Variants in ARHGEF10 observed in about 807,000 individuals in gnomAD.
The protein encoded by ARHGEF10 is Rho guanine nucleotide exchange factor 10, also known as Rho guanine nucleotide exchange factor (GEF) 10.
A neutral mutation model predicts 147.4 loss-of-function variants in ARHGEF10; 140 were observed. The ratio of observed to expected loss-of-function variants is 0.95; its 90% confidence interval spans 0.83 to 1.09. The LOEUF is 1.09. Ranked by LOEUF, ARHGEF10 falls within the 50% of genes least tolerant of loss-of-function variation. The pLI, the probability that ARHGEF10 is intolerant of heterozygous loss-of-function variation, is 0.00. For synonymous variants in ARHGEF10, 902 were observed against 695.8 expected (o/e 1.30, Z -4.67); for missense variants, 2,222 against 1,752.7 (o/e 1.27, Z -4.78).
intron 16 of ARHGEF10, chr8:1,903,665 T>G (rs1585474285): frequency 1.6e-6 from 1 of 629,448 alleles, no homozygotes; most frequent in African/African-American, 1.8e-5. Context: ...AGCATTTTCT[T>G]AGGAAAGAGA....
Position 1,893,599 on chromosome 8 carries a change from G to T in ARHGEF10, c.1213G>T (p.Val405Phe), listed in dbSNP as rs776976577. The stretch of plus-strand genomic sequence containing the variant: ...AAGAAGATATATACTGGGTTCAGTT[G>T]TCGACAGTGAAAAGAACTACGTAGA... Reference protein sequence around the residue: ...VVRRYILGSVVDSEKNYVDAL... With the variant: ...VVRRYILGSVFDSEKNYVDAL... The change falls in exon 12 of 29, where the codon GTC (valine) becomes TTC (phenylalanine). Residue 405 changes from valine to phenylalanine, a missense_variant. Val to Phe is a conservative substitution (Grantham distance 50). Transcript: ENST00000349830. 2 of 1,613,770 alleles carry T rather than the reference G, an allele frequency of 1.2e-6. No individual in the cohort carries two copies. The highest frequency in any genetic ancestry group is 1.7e-6 in the Non-Finnish European group (2 of 1,179,810).
chr8:1,957,248 T>C lies in ARHGEF10; in HGVS notation c.4020T>C (p.Pro1340=). 6.2e-7 allele frequency: 1 copy of C among 1,610,884 alleles called. No homozygotes were observed. Among genetic ancestry groups the C allele is most frequent in the Non-Finnish European group, 8.5e-7 (1 of 1,179,754 alleles). Residue 1340 remains proline (P), a synonymous_variant, in exon 29 of 29, where the codon CCT becomes CCC. Transcript: ENST00000349830. ...LAPTVMVWQI[P]LLNI ...CGACCGTCATGGTCTGGCAGATCCCTCTGCTGAATATATAAGCAGGACGGC... is the reference window on the plus strand; with the variant it reads ...CGACCGTCATGGTCTGGCAGATCCCCCTGCTGAATATATAAGCAGGACGGC...
intron 11 of ARHGEF10, among the ~76,000 whole-genome samples, chr8:1,889,461 G>A (rs1322642201): frequency 4.4e-4 from 29 of 66,470 alleles, no homozygotes; most frequent in African/African-American, 2.6e-3. Flanking sequence ...TGGGGTGAGG[G>A]GTCTGTGAGG....
chr8:1,876,298 T>A, intron 7 of ARHGEF10: 1 of 522,834 alleles, frequency 1.9e-6, no homozygotes, highest in Non-Finnish European at 3.4e-6. Flanking sequence ...CGGATGCCCA[T>A]AGCCAGGTGG....
intron 1 of ARHGEF10, among the ~76,000 whole-genome samples, chr8:1,842,426 C>CG (rs138298112): frequency 0.024 from 3,677 of 152,306 alleles, 147 homozygotes; most frequent in African/African-American, 0.083. Flanking sequence ...GCCTGCCATC[C>CG]CCTCGCGTTC....
intron 1 of ARHGEF10, among the ~76,000 whole-genome samples, chr8:1,829,088 G>A (rs1563143462): frequency 6.6e-6 from 1 of 152,248 alleles, no homozygotes; most frequent in African/African-American, 2.4e-5. Context: ...CACACCTGGG[G>A]GGCGGCCAAC....
rs1394933374 is a variant in ARHGEF10 at position 1,888,745 on chromosome 8, C to T, written c.1182+3038C>T. The stretch of plus-strand genomic sequence containing the variant: ...GAATAGGGTGAGGTTTGTGAGGAGA[C>T]ACTGAATAGGGTGAGGTTTGTGAGG... On this transcript the variant is annotated intron_variant, in intron 11 of 28. Coordinates refer to ENST00000349830, the MANE Select transcript of ARHGEF10 (RefSeq NM_014629.4). 1.8e-4 allele frequency among the ~76,000 whole-genome samples: 10 copies of T among 54,432 alleles called. 1 individual carries two copies. The highest frequency in any genetic ancestry group is 8.7e-4 in the African/African-American group (10 of 11,520). 35.7% of individuals were successfully genotyped at this position (54,432 alleles called of 152,430 possible). A position where few individuals can be genotyped will look rare whatever the true frequency, so the allele number is the denominator to read the frequency against.
chr8:1,946,549 C>A (rs1814610287), intron 27 of ARHGEF10, among the ~76,000 whole-genome samples: 1 of 152,192 alleles, frequency 6.6e-6, no homozygotes, highest in African/African-American at 2.4e-5. Flanking sequence ...CCTCCGCTTC[C>A]TATAAGGGTG....
At position 1,860,172 on chromosome 8, in the gene ARHGEF10, C is replaced by G. The variant is rs376008740; in HGVS notation, c.469C>G (p.Leu157Val). ...SSPVIICATS[L>V]DEEETPEVTE... ...CCCGGTCATCATCTGCGCCACGTCC[C>G]TGGACGAAGAAGGTACTGCTACCCT... Residue 157 changes from leucine to valine, a missense_variant, in exon 4 of 29, where the codon CTG becomes GTG. Transcript: ENST00000349830. 6.2e-7 allele frequency: 1 copy of G among 1,612,964 alleles called. No homozygotes were observed. The highest frequency in any genetic ancestry group is 8.5e-7 in the Non-Finnish European group (1 of 1,179,948).
intron 1 of ARHGEF10, among the ~76,000 whole-genome samples, chr8:1,829,843 G>C (rs1166733586): frequency 1.3e-5 from 2 of 152,186 alleles, no homozygotes; most frequent in African/African-American, 4.8e-5. Context: ...GGAGGCTGCT[G>C]GGACGGCGGC....
intron 9 of ARHGEF10, among the ~76,000 whole-genome samples, 154 bp from the exon 10 acceptor site, chr8:1,882,481 A>G (rs1438644902): frequency 6.6e-6 from 1 of 152,146 alleles, no homozygotes; most frequent in Non-Finnish European, 1.5e-5. Flanking sequence ...TTTTCCAACA[A>G]ACAAAACCAA....
chr8:1,838,126 A>G (rs1307880395), intron 1 of ARHGEF10, among the ~76,000 whole-genome samples: 1 of 152,202 alleles, frequency 6.6e-6, no homozygotes, highest in Non-Finnish European at 1.5e-5. Flanking sequence ...TGGAAGGAAC[A>G]GACCTTGGGC....
At chr8:1,843,331 G>C (rs1219575154) in intron 1 of ARHGEF10, 22 bp from the exon 2 acceptor site, 4 of 1,598,848 alleles carry the variant, frequency 2.5e-6, no homozygotes, top group Non-Finnish European at 2.6e-6. Flanking sequence ...ACGGTGACAA[G>C]CAGTGTCTCT....
intron 1 of ARHGEF10, among the ~76,000 whole-genome samples, chr8:1,836,244 G>C (rs1192251871): frequency 2.0e-5 from 3 of 151,956 alleles, no homozygotes; most frequent in African/African-American, 7.3e-5. Context: ...TCATTAAGAT[G>C]CTTAAATTGG....
intron 2 of ARHGEF10, among the ~76,000 whole-genome samples, chr8:1,850,498 G>T (rs1339781991): frequency 6.6e-6 from 1 of 150,810 alleles, no homozygotes; most frequent in East Asian, 2.0e-4. Context: ...AGACGGCATG[G>T]GCCACCCGCG....
At chr8:1,892,812 A>T (rs571376203) in intron 11 of ARHGEF10, among the ~76,000 whole-genome samples, 58 of 152,248 alleles carry the variant, frequency 3.8e-4, no homozygotes, top group Middle Eastern at 3.4e-3. Context: ...TCTGTTTTCC[A>T]TGAATTGGCA....
chr8:1,858,143 AGTCCCCAGGTGG>A (rs71211518), intron 3 of ARHGEF10, 28 bp downstream of exon 3: 6 of 1,522,398 alleles, frequency 3.9e-6, no homozygotes, highest in Non-Finnish European at 4.5e-6. Flanking sequence ...TCCCCAGGTG[AGTCCCCAGGTGG>A]GTCCCCAGGT....
At chr8:1,915,124 C>T (rs1425733334) in intron 18 of ARHGEF10, among the ~76,000 whole-genome samples, 4 of 152,130 alleles carry the variant, frequency 2.6e-5, no homozygotes, top group Non-Finnish European at 5.9e-5. Context: ...GGCCTCCCTT[C>T]GTACAGACAA....
chr8:1,905,606 AGAT>A lies in ARHGEF10; in HGVS notation c.1861_1863del (p.Asp621del). 1.2e-6 allele frequency: 2 copies of A among 1,614,232 alleles called. No individual in the cohort carries two copies. Among genetic ancestry groups the A allele is most frequent in the Non-Finnish European group, 1.7e-6 (2 of 1,180,044 alleles). On this transcript the variant is annotated inframe_deletion, in exon 17 of 29. Coordinates refer to ENST00000349830, the MANE Select transcript of ARHGEF10 (RefSeq NM_014629.4). ...GTGGAAGCCGATACCTCATTCGATCAGATGATATGATAGAAACAGTTTACAACG... is the reference window on the plus strand; with the variant it reads ...GTGGAAGCCGATACCTCATTCGATCAGATATGATAGAAACAGTTTACAACG...
Sources: allele counts gnomAD v4.1 joint callset (sites outside exome capture counted in the v4.1 genomes callset), GRCh38; gene constraint gnomAD v4.1.1; transcripts MANE v1.5; gene names NCBI Gene and HGNC (gene_info 2026-07-23, HGNC 2026-07-21).